The following VGLL4 variants were observed in gnomAD, a reference collection of about 807,000 sequenced individuals.
VGLL4 encodes vestigial like family member 4.
Under a neutral mutation model 21.0 loss-of-function variants are expected in VGLL4, and 7 were observed. That is an observed-to-expected ratio of 0.33 (90% confidence interval 0.19 to 0.63). The LOEUF is 0.63. VGLL4 is among the 20% of genes least tolerant of loss of function. The pLI, the probability that VGLL4 is intolerant of heterozygous loss-of-function variation, is 0.78. For synonymous variants in VGLL4, 222 were observed against 173.2 expected (o/e 1.28, Z -2.21); for missense variants, 394 against 425.7 (o/e 0.93, Z 0.66).
At chr3:11,639,000 C>T (rs2075638886) in intron 1 of VGLL4, among the ~76,000 whole-genome samples, 1 of 152,202 alleles carries the variant, frequency 6.6e-6, no homozygotes, top group Non-Finnish European at 1.5e-5. Flanking sequence ...GAATAATTCG[C>T]TCTTAAGCTT....
At chr3:11,591,466 C>T (rs767764020) in intron 2 of VGLL4, among the ~76,000 whole-genome samples, 13 of 152,234 alleles carry the variant, frequency 8.5e-5, no homozygotes, top group Non-Finnish European at 1.5e-4. Context: ...AAAATGCCAG[C>T]AGCAAGATGG....
At chr3:11,562,570 G>C (rs1232183424) in intron 3 of VGLL4, among the ~76,000 whole-genome samples, 3 of 152,244 alleles carry the variant, frequency 2.0e-5, no homozygotes, top group African/African-American at 7.2e-5. Context: ...GGAGCTGCTG[G>C]AGCACAGGCA....
intron 2 of VGLL4, chr3:11,702,896 G>A: frequency 2.9e-6 from 4 of 1,400,634 alleles, no homozygotes; most frequent in Admixed American, 4.7e-5. Flanking sequence ...AGAGAAGCAT[G>A]TAATTTTGTT....
At chr3:11,687,339 G>T (rs900996916) in intron 2 of VGLL4, among the ~76,000 whole-genome samples, 1 of 152,182 alleles carries the variant, frequency 6.6e-6, no homozygotes, top group Admixed American at 6.5e-5. Context: ...CTTTTATTCA[G>T]AAAAGGAAAT....
chr3:11,696,066 C>T (rs1249941798), intron 2 of VGLL4, among the ~76,000 whole-genome samples: 2 of 152,170 alleles, frequency 1.3e-5, no homozygotes, highest in South Asian at 2.1e-4. Flanking sequence ...CTGCATTTCC[C>T]GTTTGGGCTT....
intron 2 of VGLL4, among the ~76,000 whole-genome samples, chr3:11,595,449 C>G (rs1239765807): frequency 6.6e-6 from 1 of 152,122 alleles, no homozygotes; most frequent in Non-Finnish European, 1.5e-5. Context: ...GGATCTAGAA[C>G]TAGAAATACC....
At chr3:11,574,834 T>TGTGC (rs2073987238) in intron 2 of VGLL4, among the ~76,000 whole-genome samples, 1 of 147,326 alleles carries the variant, frequency 6.8e-6, no homozygotes, top group Non-Finnish European at 1.5e-5. Context: ...TGTGTGTGTG[T>TGTGC]GTGTATTTTA....
intron 1 of VGLL4, among the ~76,000 whole-genome samples, chr3:11,711,247 A>G (rs1398371852): frequency 6.6e-6 from 1 of 151,938 alleles, no homozygotes; most frequent in African/African-American, 2.4e-5. Flanking sequence ...TCAACAAAAA[A>G]TACAAAAATT....
chr3:11,608,565 A>G (rs6442267), intron 1 of VGLL4, among the ~76,000 whole-genome samples: 144,973 of 152,254 alleles, frequency 0.95, 69,140 homozygotes, highest in African/African-American at 0.99. Flanking sequence ...ATGCTGTGCT[A>G]TAATATGATT....
At chr3:11,589,560 C>T (rs756016938) in intron 2 of VGLL4, among the ~76,000 whole-genome samples, 3 of 152,158 alleles carry the variant, frequency 2.0e-5, no homozygotes, top group Non-Finnish European at 2.9e-5. Flanking sequence ...GGCAAGTATG[C>T]TCCAAGGAAT....
intron 1 of VGLL4, among the ~76,000 whole-genome samples, chr3:11,606,107 C>G (rs144104646): frequency 2.0e-5 from 3 of 152,270 alleles, no homozygotes; most frequent in African/African-American, 7.2e-5. Flanking sequence ...AGCCGAAAGG[C>G]ATGTCTTACA....
chr3:11,720,904 A>G (rs185247338), upstream of VGLL4, among the ~76,000 whole-genome samples: 4 of 151,870 alleles, frequency 2.6e-5, no homozygotes, highest in Non-Finnish European at 5.9e-5. Flanking sequence ...GGGCCGGGGG[A>G]TAGAGGCCTG....
chr3:11,569,153 T>C (rs993584394), intron 2 of VGLL4, among the ~76,000 whole-genome samples: 62 of 152,198 alleles, frequency 4.1e-4, no homozygotes, highest in African/African-American at 1.4e-3. Context: ...TATTTGATAC[T>C]CATTAAAATG....
At chr3:11,559,990 A>G (rs141382026) in intron 3 of VGLL4, among the ~76,000 whole-genome samples, 7 of 152,266 alleles carry the variant, frequency 4.6e-5, no homozygotes, top group Non-Finnish European at 7.4e-5. Context: ...AATATGCCTA[A>G]GTGTGGAACG....
upstream of VGLL4, among the ~76,000 whole-genome samples, chr3:11,647,657 G>T (rs923082829): frequency 6.6e-6 from 1 of 152,040 alleles, no homozygotes; most frequent in Non-Finnish European, 1.5e-5. Flanking sequence ...TTTGGATTAG[G>T]ACGCTCAACC....
intron 2 of VGLL4, among the ~76,000 whole-genome samples, chr3:11,666,875 C>T (rs2076134767): frequency 6.6e-6 from 1 of 152,210 alleles, no homozygotes; most frequent in South Asian, 2.1e-4. Context: ...CTGTGCTCCC[C>T]TCCACTCCGG....
intron 1 of VGLL4, chr3:11,604,264 G>T: frequency 1.8e-6 from 1 of 565,782 alleles, no homozygotes; most frequent in Non-Finnish European, 2.1e-6. Flanking sequence ...AGCCCAGGAA[G>T]CACGGTTTGC....
chr3:11,626,182 C>G (rs749239865), intron 1 of VGLL4, among the ~76,000 whole-genome samples: 15 of 152,160 alleles, frequency 9.9e-5, no homozygotes, highest in Non-Finnish European at 1.9e-4. Flanking sequence ...TCTCAATGAG[C>G]CCTGGGCATT....
intron 2 of VGLL4, among the ~76,000 whole-genome samples, chr3:11,657,137 T>C (rs2075970095): frequency 6.6e-6 from 1 of 152,184 alleles, no homozygotes; most frequent in African/African-American, 2.4e-5. Flanking sequence ...CATGCAATCT[T>C]CATCAAGTGA....
Sources: allele counts gnomAD v4.1 joint callset (sites outside exome capture counted in the v4.1 genomes callset), GRCh38; gene constraint gnomAD v4.1.1; transcripts MANE v1.5; gene names NCBI Gene and HGNC (gene_info 2026-07-23, HGNC 2026-07-21).